SHANK2: variants seen among roughly 807,000 people sequenced by gnomAD.
SHANK2 encodes the protein SH3 and multiple ankyrin repeat domains protein 2.
A neutral mutation model predicts 133.7 loss-of-function variants in SHANK2; 43 were observed. The ratio of observed to expected loss-of-function variants is 0.32; its 90% CI spans 0.25 to 0.41. The LOEUF is 0.41. Among genes scored for constraint, SHANK2 ranks in the 10% least tolerant of loss-of-function variants. The pLI is 1.00. For synonymous variants in SHANK2, 1,017 were observed against 952.8 expected (o/e 1.07, Z -1.24); for missense variants, 1,994 against 2,235.8 (o/e 0.89, Z 2.18).
intron 10 of SHANK2, among the ~76,000 whole-genome samples, chr11:70,927,405 T>A (rs557077927): frequency 6.6e-6 from 1 of 151,958 alleles, no homozygotes; most frequent in Admixed American, 6.6e-5. Flanking sequence ...TTGAGAGCCG[T>A]TGGAAGCACA....
intron 13 of SHANK2, among the ~76,000 whole-genome samples, chr11:70,802,666 A>G (rs2135245672): frequency 6.6e-6 from 1 of 152,338 alleles, no homozygotes; most frequent in South Asian, 2.1e-4. Context: ...GTCTGGGGTC[A>G]CAAAGATGGT....
At chr11:70,503,671 A>G (rs12577692) in intron 17 of SHANK2, among the ~76,000 whole-genome samples, 38,636 of 152,126 alleles carry the variant, frequency 0.25, 5,658 homozygotes, top group Admixed American at 0.32. Flanking sequence ...CTCCTGCCCT[A>G]TTTGTCCTCA....
chr11:70,635,811 G>A (rs2061069743), intron 17 of SHANK2, among the ~76,000 whole-genome samples: 1 of 151,784 alleles, frequency 6.6e-6, no homozygotes, highest in African/African-American at 2.4e-5. Flanking sequence ...GTGATCTCTT[G>A]GGGGCCAGCT....
chr11:70,630,492 G>A (rs1287139713), intron 17 of SHANK2, among the ~76,000 whole-genome samples: 1 of 152,214 alleles, frequency 6.6e-6, no homozygotes, highest in African/African-American at 2.4e-5. Context: ...TAAAATCCAC[G>A]TCTATGTAGA....
intron 2 of SHANK2, among the ~76,000 whole-genome samples, chr11:71,199,985 T>C (rs1188432385): frequency 2.6e-5 from 4 of 152,200 alleles, no homozygotes; most frequent in Non-Finnish European, 5.9e-5. Context: ...TAGCAATTTT[T>C]TAGACAGATA....
chr11:70,549,087 T>C (rs10793137), intron 17 of SHANK2, among the ~76,000 whole-genome samples: 93,830 of 152,032 alleles, frequency 0.62, 29,521 homozygotes, highest in East Asian at 0.89. Context: ...ACAGGGTCTG[T>C]GGGACGCTGT....
intron 10 of SHANK2, among the ~76,000 whole-genome samples, chr11:70,914,396 C>G (rs1555079553): frequency 6.6e-6 from 1 of 152,032 alleles, no homozygotes; most frequent in African/African-American, 2.4e-5. Flanking sequence ...GGTCATCACA[C>G]CACACCTCCC....
chr11:71,109,394 C>T (rs1252693013), intron 6 of SHANK2, among the ~76,000 whole-genome samples: 1 of 152,146 alleles, frequency 6.6e-6, no homozygotes, highest in Non-Finnish European at 1.5e-5. Context: ...GCCACTGAAC[C>T]CTGTGATACA....
chr11:70,528,741 C>T (rs2059430724), intron 17 of SHANK2, among the ~76,000 whole-genome samples: 1 of 151,646 alleles, frequency 6.6e-6, no homozygotes, highest in African/African-American at 2.4e-5. Context: ...GAAGCGTCCT[C>T]GGCATCCGTG....
chr11:70,907,310 C>G (rs1555078129), intron 10 of SHANK2, among the ~76,000 whole-genome samples: 1 of 149,922 alleles, frequency 6.7e-6, no homozygotes, highest in Admixed American at 6.6e-5. Flanking sequence ...GCAGGTCCAG[C>G]CCTCAGCACC....
At chr11:70,887,929 A>C (rs1442495080) in intron 11 of SHANK2, among the ~76,000 whole-genome samples, 1 of 152,174 alleles carries the variant, frequency 6.6e-6, no homozygotes, top group Non-Finnish European at 1.5e-5. Context: ...GTTTGCCCTG[A>C]CGCCAAAGCA....
intron 2 of SHANK2, among the ~76,000 whole-genome samples, chr11:71,190,497 A>C (rs1202891960): frequency 6.6e-6 from 1 of 152,138 alleles, no homozygotes. Flanking sequence ...TCTCAGAAGA[A>C]GTGTGGCTCA....
chr11:70,599,757 A>G (rs939357886), intron 17 of SHANK2, among the ~76,000 whole-genome samples: 47 of 150,234 alleles, frequency 3.1e-4, no homozygotes, highest in African/African-American at 1.1e-3. Flanking sequence ...GTGCCATTGC[A>G]CTCCAGCCCG....
intron 17 of SHANK2, among the ~76,000 whole-genome samples, chr11:70,623,470 G>T (rs963068157): frequency 6.6e-6 from 1 of 152,146 alleles, no homozygotes; most frequent in Non-Finnish European, 1.5e-5. Context: ...GATGCACCCC[G>T]AAGGCTGCGC....
chr11:70,546,150 G>A (rs2059693300), intron 17 of SHANK2, among the ~76,000 whole-genome samples: 1 of 145,436 alleles, frequency 6.9e-6, no homozygotes, highest in Non-Finnish European at 1.5e-5. Context: ...TGCTGCTTAG[G>A]CTGGTCTTGA....
At chr11:70,551,308 G>A (rs1334964692) in intron 17 of SHANK2, among the ~76,000 whole-genome samples, 1 of 151,996 alleles carries the variant, frequency 6.6e-6, no homozygotes, top group Non-Finnish European at 1.5e-5. Context: ...TGCCCTGCCC[G>A]CTGCCCCTCC....
At chr11:70,769,999 G>C (rs1947212615) in intron 14 of SHANK2, among the ~76,000 whole-genome samples, 1 of 152,218 alleles carries the variant, frequency 6.6e-6, no homozygotes, top group South Asian at 2.1e-4. Context: ...CTGGGCCATG[G>C]AGGAAGGCCT....
intron 3 of SHANK2, among the ~76,000 whole-genome samples, chr11:71,137,473 C>A (rs1266135868): frequency 1.1e-4 from 16 of 151,936 alleles, no homozygotes; most frequent in Non-Finnish European, 1.9e-4. Flanking sequence ...AAGGCCCAGC[C>A]CCCCCAAAGG....
chr11:70,508,021 TA>T (rs1362504091), intron 17 of SHANK2, among the ~76,000 whole-genome samples: 1 of 152,198 alleles, frequency 6.6e-6, no homozygotes, highest in African/African-American at 2.4e-5. Context: ...GGGTATGGTT[TA>T]GATTCTGCCG....
Sources: allele counts gnomAD v4.1 joint callset (sites outside exome capture counted in the v4.1 genomes callset), GRCh38; gene constraint gnomAD v4.1.1; transcripts MANE v1.5; gene names NCBI Gene and HGNC (gene_info 2026-07-23, HGNC 2026-07-21).